The following BEND3 variants were observed in gnomAD, a reference collection of about 807,000 sequenced individuals.
BEND3 encodes the protein BEN domain containing 3.
Under a neutral mutation model 60.1 loss-of-function variants are expected in BEND3, and 13 were observed. That is an observed-to-expected ratio of 0.22 (90% CI 0.14 to 0.34). The LOEUF (loss-of-function observed/expected upper bound fraction) is 0.34, where lower values mean the gene tolerates loss of function less well. Among genes scored for constraint, BEND3 ranks in the 10% least tolerant of loss-of-function variants. The pLI is 1.00. For synonymous variants in BEND3, 497 were observed against 491.5 expected, an observed-to-expected ratio of 1.01 and a Z score of -0.15; for missense variants, 896 against 1,138.1, an observed-to-expected ratio of 0.79 and a Z score of 3.06.
intron 1 of BEND3, among the ~76,000 whole-genome samples, chr6:107,100,757 A>G (rs1352146936): frequency 6.6e-6 from 1 of 152,272 alleles, no homozygotes; most frequent in African/African-American, 2.4e-5. Context: ...AGTACAAGAT[A>G]CAAAGGTAGT....
intron 1 of BEND3, 103 bp from the exon 2 acceptor site, chr6:107,099,399 G>A (rs1347065872): frequency 9.2e-6 from 9 of 973,528 alleles, no homozygotes; most frequent in Non-Finnish European, 1.3e-5. Context: ...CCCAGCTCTA[G>A]GTAACAGAGC....
At chr6:107,108,841 T>C (rs1002599930) in intron 1 of BEND3, among the ~76,000 whole-genome samples, 9 of 152,198 alleles carry the variant, frequency 5.9e-5, no homozygotes, top group African/African-American at 2.2e-4. Context: ...AGTCTCGCTC[T>C]GTTGCCCAGG....
intron 3 of BEND3, among the ~76,000 whole-genome samples, chr6:107,078,827 G>A (rs1408366622): frequency 1.3e-5 from 2 of 151,658 alleles, no homozygotes; most frequent in Non-Finnish European, 2.9e-5. Context: ...TAGTGATATG[G>A]GAGGGGGCTA....
chr6:107,082,427 T>G (rs1582650476), intron 3 of BEND3, among the ~76,000 whole-genome samples: 1 of 152,078 alleles, frequency 6.6e-6, no homozygotes, highest in African/African-American at 2.4e-5. Context: ...AAATAGCGGT[T>G]GCTTTTTATT....
At chr6:107,091,112 A>G (rs1775467503) in intron 3 of BEND3, among the ~76,000 whole-genome samples, 1 of 150,020 alleles carries the variant, frequency 6.7e-6, no homozygotes, top group African/African-American at 2.4e-5. Context: ...TCCATCTCGA[A>G]AAAAAAAAAA....
chr6:107,093,199 G>C (rs891330262), intron 3 of BEND3, among the ~76,000 whole-genome samples: 1 of 152,148 alleles, frequency 6.6e-6, no homozygotes, highest in African/African-American at 2.4e-5. Flanking sequence ...GAACACAGTT[G>C]CCTGTAATCC....
intron 3 of BEND3, among the ~76,000 whole-genome samples, chr6:107,072,209 G>A (rs902497821): frequency 2.0e-5 from 3 of 152,186 alleles, no homozygotes; most frequent in Non-Finnish European, 2.9e-5. Flanking sequence ...AAGAACAAAC[G>A]GCATCCTGGG....
At chr6:107,109,242 G>C (rs1775887014) in intron 1 of BEND3, among the ~76,000 whole-genome samples, 1 of 151,132 alleles carries the variant, frequency 6.6e-6, no homozygotes, top group Admixed American at 6.6e-5. Context: ...CTGAGGTTGA[G>C]AGACCAGCCT....
intron 3 of BEND3, among the ~76,000 whole-genome samples, chr6:107,071,161 C>T (rs1445858161): frequency 6.6e-6 from 1 of 152,234 alleles, no homozygotes. Context: ...CTCCCCATTC[C>T]CTGAGAAAAG....
intron 3 of BEND3, among the ~76,000 whole-genome samples, chr6:107,073,179 C>A (rs1775018616): frequency 7.9e-6 from 1 of 127,148 alleles, no homozygotes; most frequent in Non-Finnish European, 1.6e-5. Context: ...GCCAATACTT[C>A]CTTCAGGGTT....
At chr6:107,103,321 C>T (rs1286353017) in intron 1 of BEND3, among the ~76,000 whole-genome samples, 1 of 152,212 alleles carries the variant, frequency 6.6e-6, no homozygotes, top group Non-Finnish European at 1.5e-5. Flanking sequence ...CTCTGCTCCT[C>T]CTGGGTGGAC....
chr6:107,089,513 G>A (rs1775427436), intron 3 of BEND3, among the ~76,000 whole-genome samples: 1 of 150,734 alleles, frequency 6.6e-6, no homozygotes, highest in African/African-American at 2.4e-5. Flanking sequence ...GTGAACCCAG[G>A]AGGCGGAGCT....
In BEND3 at chr6:107,079,623, G is replaced by A. The variant is rs148169069; in HGVS notation, c.241-8673C>T. 7.7e-3 allele frequency among the ~76,000 whole-genome samples: 1,166 copies of A among 152,230 alleles called. 13 individuals carry two copies. The highest frequency in any genetic ancestry group is 0.027 in the African/African-American group (1,120 of 41,530). Reference sequence around the variant, plus strand: ...TGAAGAAGCAAGCCACACCCCCATCGCATGCCCTGCAAGGGGACAACGGAA... The same window carrying A: ...TGAAGAAGCAAGCCACACCCCCATCACATGCCCTGCAAGGGGACAACGGAA... On this transcript the variant is annotated intron_variant, in intron 3 of 3. Coordinates refer to ENST00000369042, the MANE Select transcript of BEND3 (RefSeq NM_001367314.1).
chr6:107,089,541 G>A (rs1259374135), intron 3 of BEND3, among the ~76,000 whole-genome samples: 2 of 148,764 alleles, frequency 1.3e-5, no homozygotes, highest in South Asian at 4.3e-4. Context: ...AGCCAAGATC[G>A]TGCCACTGCA....
chr6:107,076,596 C>A (rs1775104769), intron 3 of BEND3, among the ~76,000 whole-genome samples: 1 of 152,092 alleles, frequency 6.6e-6, no homozygotes, highest in Admixed American at 6.6e-5. Context: ...AAGTGCTAGA[C>A]GTCTTCATCG....
At position 107,069,303 on chromosome 6, in the gene BEND3, C is replaced by T. The variant is rs147270081; in HGVS notation, c.1888G>A (p.Val630Ile). ...TTGCCCACGAACTCCAGGGTCCAGA[C>T]GCGGTCGTTTTTGGCGCGTGGGTAG... ...LLYPRAKNDR[V>I]WTLEFVGKLD... Residue 630 changes from valine (V) to isoleucine (I), a missense_variant, in exon 4 of 4, where the codon GTC (valine) becomes ATC (isoleucine). Val to Ile is a conservative substitution (Grantham distance 29). Around this residue, in one of 4 missense-constraint regions of BEND3, gnomAD observed 846 missense variants for 1,036.7 expected, o/e 0.82. Coordinates refer to ENST00000369042, the MANE Select transcript of BEND3 (RefSeq NM_001367314.1). The T allele has an allele frequency of 1.1e-5, 18 of 1,613,398 alleles. No individual in the cohort carries two copies. Among genetic ancestry groups the T allele is most frequent in the Non-Finnish European group, 1.4e-5 (17 of 1,179,918 alleles).
chr6:107,069,123 G>A lies in BEND3; in HGVS notation c.2068C>T (p.Pro690Ser). The change falls in exon 4 of 4, where the codon CCC (proline) becomes TCC (serine). Residue 690 changes from proline (P) to serine (S), a missense_variant. Pro to Ser is a moderately conservative substitution (Grantham distance 74, BLOSUM62 -1). Around this residue, in one of 4 missense-constraint regions of BEND3, gnomAD observed 846 missense variants for 1,036.7 expected, o/e 0.82. Coordinates refer to ENST00000369042, the MANE Select transcript of BEND3 (RefSeq NM_001367314.1). ...AAGTCCTTGCTGCTCCTCTCGGGGGGCAGTGGGGGCCCCTCAAACTCCTCC... is the reference window on the plus strand; with the variant it reads ...AAGTCCTTGCTGCTCCTCTCGGGGGACAGTGGGGGCCCCTCAAACTCCTCC... ...FREEFEGPPL[P>S]PERSSKDFCK... 6.2e-7 allele frequency: 1 copy of A among 1,612,724 alleles called. No homozygotes were observed. Among genetic ancestry groups the A allele is most frequent in the Non-Finnish European group, 8.5e-7 (1 of 1,179,992 alleles).
chr6:107,114,015 TTCCTCCC>T (rs1554238910), intron 1 of BEND3: 1 of 152,280 alleles, frequency 6.6e-6, no homozygotes, highest in East Asian at 1.9e-4. Context: ...AGTAACCTTG[TTCCTCCC>T]GGCACTCTTG....
At chr6:107,081,562 T>C (rs2115007662) in intron 3 of BEND3, among the ~76,000 whole-genome samples, 1 of 152,334 alleles carries the variant, frequency 6.6e-6, no homozygotes, top group East Asian at 1.9e-4. Context: ...TCAGATCTAA[T>C]GGGTCAGAAC....
Sources: gnomAD v4.1 joint callset for allele counts (sites outside exome capture counted in the v4.1 genomes callset) on GRCh38, gnomAD v4.1.1 for gene constraint, gnomAD v4.1.1 regional missense constraint, MANE v1.5 for transcripts, NCBI Gene and HGNC (gene_info 2026-07-23, HGNC 2026-07-21) for gene names.